The following ZFHX3 variants were observed in gnomAD, a reference collection of about 807,000 sequenced individuals.
The protein encoded by ZFHX3 is zinc finger homeobox protein 3.
A neutral mutation model predicts 279.1 loss-of-function variants in ZFHX3; 42 were observed. The observed-to-expected ratio is 0.15, with a 90% CI of 0.12 to 0.19. The LOEUF (loss-of-function observed/expected upper bound fraction) is 0.19, where lower values mean the gene tolerates loss of function less well. Among genes scored for constraint, ZFHX3 ranks in the 10% least tolerant of loss-of-function variants. The pLI, the probability that ZFHX3 is intolerant of heterozygous loss-of-function variation, is 1.00. For synonymous variants in ZFHX3, 2,293 were observed against 1,957.8 expected, an observed-to-expected ratio of 1.17 and a Z score of -4.52; for missense variants, 4,981 against 4,754.0, an observed-to-expected ratio of 1.05 and a Z score of -1.40.
intron 3 of ZFHX3, among the ~76,000 whole-genome samples, chr16:72,935,404 G>T (rs964695782): frequency 6.6e-6 from 1 of 152,164 alleles, no homozygotes; most frequent in Non-Finnish European, 1.5e-5. Context: ...GAGGGAGGAG[G>T]CGACTCGGGG....
chr16:73,473,503 A>G (rs940234099), intron 2 of ZFHX3, among the ~76,000 whole-genome samples: 4 of 152,128 alleles, frequency 2.6e-5, no homozygotes, highest in Non-Finnish European at 5.9e-5. Context: ...AACGCTTGAG[A>G]GTCCTGGCCT....
Position 72,794,952 on chromosome 16 carries a change from A to C in ZFHX3, c.7730T>G (p.Phe2577Cys). 1.2e-6 allele frequency: 2 copies of C among 1,614,148 alleles called. No individual in the cohort carries two copies. Among genetic ancestry groups the C allele is most frequent in the Non-Finnish European group, 1.7e-6 (2 of 1,180,022 alleles). ...GGCCAGGAGTGGGTTACTGGGATCAAAGAGCATGAAAGGCATATCCAGGGA... is the reference window on the plus strand; with the variant it reads ...GGCCAGGAGTGGGTTACTGGGATCACAGAGCATGAAAGGCATATCCAGGGA... ...DRSLDMPFML[F>C]DPSNPLLASQ... The change falls in exon 9 of 10, where the codon TTT (phenylalanine) becomes TGT (cysteine). Residue 2577 changes from phenylalanine (F) to cysteine (C), a missense_variant. By Grantham distance (205) the Phe-to-Cys change is radical (BLOSUM62 -2). Transcript: ENST00000268489. This position sits in a 1 kb window ranked among gnomAD's most constrained non-coding sequence, Gnocchi z 4.2.
At chr16:73,513,928 G>C (rs986762540) in intron 2 of ZFHX3, among the ~76,000 whole-genome samples, 1 of 152,138 alleles carries the variant, frequency 6.6e-6, no homozygotes, top group Non-Finnish European at 1.5e-5. Context: ...GAGGCAGAAA[G>C]GGTTGGTAAC....
Position 73,699,654 on chromosome 16 carries a change from G to A in ZFHX3, c.-1607-19414C>T, listed in dbSNP as rs551119730. The stretch of plus-strand genomic sequence containing the variant: ...GTAAGTGTATTAATTCATTTAATCT[G>A]CTCAACAACCCTATGAAGCTGACAC... On this transcript the variant is annotated intron_variant, in intron 1 of 17. Transcript: ENST00000641206. Among the ~76,000 whole-genome samples, 7 of 152,240 alleles carry A rather than the reference G, an allele frequency of 4.6e-5. No homozygotes were observed. In the South Asian group the frequency reaches 1.5e-3, roughly 32 times the overall value.
upstream of ZFHX3, among the ~76,000 whole-genome samples, chr16:73,063,832 T>G (rs564780546): frequency 1.3e-5 from 2 of 152,270 alleles, no homozygotes; most frequent in African/African-American, 4.8e-5. Context: ...TCAAAATAAA[T>G]TTTTACACCT....
chr16:73,437,605 T>C (rs527998166), intron 3 of ZFHX3, among the ~76,000 whole-genome samples: 120 of 152,320 alleles, frequency 7.9e-4, no homozygotes, highest in African/African-American at 2.6e-3. Flanking sequence ...TTTCTTCCTA[T>C]AGAAGACATT....
At chr16:73,031,280 G>T (rs995044909) in intron 1 of ZFHX3, among the ~76,000 whole-genome samples, 2 of 133,484 alleles carry the variant, frequency 1.5e-5, no homozygotes, top group Non-Finnish European at 3.5e-5. Context: ...GCCTGGCGGC[G>T]GGGGGGGAAG....
chr16:73,322,794 A>G (rs1371064123), intron 3 of ZFHX3, among the ~76,000 whole-genome samples: 2 of 152,256 alleles, frequency 1.3e-5, no homozygotes. Context: ...TCAAAGTGCT[A>G]AGAAGTATAA....
chr16:73,469,096 A>C (rs1376704310), intron 2 of ZFHX3, among the ~76,000 whole-genome samples: 1 of 152,236 alleles, frequency 6.6e-6, no homozygotes, highest in Non-Finnish European at 1.5e-5. Flanking sequence ...GTTAAAATGC[A>C]GGAGGATGCA....
At chr16:73,258,627 C>T (rs904877642) in intron 4 of ZFHX3, among the ~76,000 whole-genome samples, 4 of 152,252 alleles carry the variant, frequency 2.6e-5, no homozygotes, top group African/African-American at 7.2e-5. Flanking sequence ...GGATTACAGG[C>T]GTGAGCCACC....
chr16:73,770,161 T>C (rs902497559), intron 1 of ZFHX3, among the ~76,000 whole-genome samples: 2 of 152,260 alleles, frequency 1.3e-5, no homozygotes, highest in African/African-American at 4.8e-5. Context: ...ATGATTGCAA[T>C]TGGTCCAGTG....
chr16:73,011,601 C>T (rs1330511625), intron 1 of ZFHX3, among the ~76,000 whole-genome samples: 1 of 151,952 alleles, frequency 6.6e-6, no homozygotes, highest in Non-Finnish European at 1.5e-5. Flanking sequence ...ATTAGCTGGG[C>T]TTGGTGGCGC....
At chr16:73,754,888 C>A (rs1230386278) in intron 1 of ZFHX3, among the ~76,000 whole-genome samples, 1 of 152,128 alleles carries the variant, frequency 6.6e-6, no homozygotes, top group Non-Finnish European at 1.5e-5. Context: ...TTCTCAGAAC[C>A]CCAGTTTCCT....
chr16:73,386,755 A>AAG (rs2016909758), intron 3 of ZFHX3: 2 of 151,730 alleles, frequency 1.3e-5, no homozygotes, highest in Non-Finnish European at 2.9e-5. Flanking sequence ...TGGAAGCAAA[A>AAG]AAAAAAAAGA....
chr16:72,802,092 CTG>C (rs1199293137), intron 7 of ZFHX3, among the ~76,000 whole-genome samples: 19 of 152,156 alleles, frequency 1.2e-4, no homozygotes, highest in Non-Finnish European at 2.1e-4. Flanking sequence ...TTATAGAAAA[CTG>C]TGGGCTTTTC....
rs76428392 is a variant in ZFHX3, at chr16:73,798,473, A to C, written c.-1608+93178T>G. On this transcript the variant is annotated intron_variant, in intron 1 of 17. Transcript: ENST00000641206. ...AAAGGAGAGAGGAGAGATACCCCCCAAAAAAAGGAAATGGGAACCCAAACC... is the reference window on the plus strand; with the variant it reads ...AAAGGAGAGAGGAGAGATACCCCCCCAAAAAAGGAAATGGGAACCCAAACC... Among the ~76,000 whole-genome samples, 1,319 of 152,168 alleles carry C rather than the reference A, an allele frequency of 8.7e-3. 14 individuals are homozygous for C. The highest frequency in any genetic ancestry group is 0.03 in the African/African-American group (1,242 of 41,534).
At chr16:73,611,961 G>A (rs1597027360) in intron 2 of ZFHX3, among the ~76,000 whole-genome samples, 1 of 151,968 alleles carries the variant, frequency 6.6e-6, no homozygotes, top group Non-Finnish European at 1.5e-5. Flanking sequence ...ACCATCTTTG[G>A]GCTATATTAC....
intron 2 of ZFHX3, among the ~76,000 whole-genome samples, chr16:73,589,120 T>C (rs903595608): frequency 2.0e-5 from 3 of 150,492 alleles, no homozygotes; most frequent in Non-Finnish European, 3.0e-5. Flanking sequence ...ATTACCTGGG[T>C]GTGGTGATGC....
intron 1 of ZFHX3, among the ~76,000 whole-genome samples, chr16:73,022,717 G>A (rs1018922550): frequency 1.3e-5 from 2 of 152,116 alleles, no homozygotes; most frequent in African/African-American, 4.8e-5. Flanking sequence ...ACAAATGAGC[G>A]AAGTTGGCTG....
Sources: gnomAD v4.1 joint callset for allele counts (sites outside exome capture counted in the v4.1 genomes callset) on GRCh38, gnomAD v4.1.1 for gene constraint, Gnocchi (gnomAD v3.1) non-coding constraint, MANE v1.5 for transcripts, NCBI Gene and HGNC (gene_info 2026-07-23, HGNC 2026-07-21) for gene names.